TMEM161A: variants seen among roughly 807,000 people sequenced by gnomAD.
The protein encoded by TMEM161A is transmembrane protein 161A, also known as adaptive response to oxidative stress protein 29.
In TMEM161A, 46 loss-of-function variants were observed where a neutral mutation model predicts 57.1. The ratio of observed to expected loss-of-function variants is 0.81; its 90% confidence interval spans 0.64 to 1.03. The LOEUF (loss-of-function observed/expected upper bound fraction) is 1.03, where lower values mean the gene tolerates loss of function less well. TMEM161A is among the 50% of genes least tolerant of loss of function. The pLI is 0.00. For missense variants in TMEM161A, 601 were observed against 621.5 expected (o/e 0.97, Z 0.35); for synonymous variants, 288 against 279.0 (o/e 1.03, Z -0.32).
intron 2 of TMEM161A, among the ~76,000 whole-genome samples, chr19:19,134,453 T>C (rs918329745): frequency 3.3e-5 from 5 of 151,708 alleles, no homozygotes; most frequent in African/African-American, 1.2e-4. Flanking sequence ...AATTTAAAAA[T>C]TGTCTGGGCA....
intron 6 of TMEM161A, among the ~76,000 whole-genome samples, chr19:19,122,143 A>G (rs1445857603): frequency 6.6e-6 from 1 of 152,060 alleles, no homozygotes; most frequent in African/African-American, 2.4e-5. Context: ...AAAATACAAA[A>G]ATTAGCCAGG....
chr19:19,127,665 C>T (rs1209742475), intron 6 of TMEM161A, among the ~76,000 whole-genome samples: 5 of 151,846 alleles, frequency 3.3e-5, no homozygotes, highest in African/African-American at 1.2e-4. Context: ...CCCAGTGGCT[C>T]ACGCCTGTCA....
At position 19,129,768 on chromosome 19, in the gene TMEM161A, C is replaced by T. The variant is rs552145208; in HGVS notation, c.595+388G>A. Among the ~76,000 whole-genome samples the T allele has an allele frequency of 1.7e-4, 26 of 151,826 alleles. 1 individual carries two copies. The highest frequency in any genetic ancestry group is 3.4e-3 in the Middle Eastern group (1 of 294). Reference sequence around the variant, plus strand: ...ACTAAAAATACAAAAATTAGCCAGGCGTGGTGGTGCACACCCATAATCCCA... The same window carrying T: ...ACTAAAAATACAAAAATTAGCCAGGTGTGGTGGTGCACACCCATAATCCCA... On this transcript the variant is annotated intron_variant, in intron 6 of 11. Transcript: ENST00000162044.
chr19:19,127,406 G>A (rs1309327905), intron 6 of TMEM161A, among the ~76,000 whole-genome samples: 6 of 142,026 alleles, frequency 4.2e-5, no homozygotes, highest in South Asian at 2.3e-4. Context: ...TGCAAGCGCC[G>A]CCTCCTGGGT....
At chr19:19,126,654 G>A (rs1301827636) in intron 6 of TMEM161A, among the ~76,000 whole-genome samples, 6 of 152,058 alleles carry the variant, frequency 3.9e-5, no homozygotes, top group Non-Finnish European at 7.4e-5. Flanking sequence ...AGGATCACCT[G>A]AGGTCAGGAG....
rs752584753 is a variant in TMEM161A, at chr19:19,119,881, C to T, written c.*49G>A. 61 of 1,535,878 alleles carry T rather than the reference C, an allele frequency of 4.0e-5. No individual in the cohort carries two copies. Among genetic ancestry groups the T allele is most frequent in the Non-Finnish European group, 5.4e-5 (61 of 1,138,920 alleles). On this transcript the variant is annotated 3_prime_UTR_variant, in exon 12 of 12. Transcript: ENST00000162044. Reference sequence around the variant, plus strand: ...CAAACAGAGGGGGCAGGCTAGTGTCCCGCTGCCCCAGGAACAGACCTCAGG... The same window carrying T: ...CAAACAGAGGGGGCAGGCTAGTGTCTCGCTGCCCCAGGAACAGACCTCAGG...
In TMEM161A at chr19:19,120,995, C is replaced by T. The variant is rs1310792010; in HGVS notation, c.1086G>A (p.Gln362=). 6.2e-7 allele frequency: 1 copy of T among 1,607,024 alleles called. No individual in the cohort carries two copies. The highest frequency in any genetic ancestry group is 8.5e-7 in the Non-Finnish European group (1 of 1,176,218). The stretch of plus-strand genomic sequence containing the variant: ...TAGGTCATCGGGGCGTCCATACCCT[C>T]TGCTGGATTTCACGGGCTTCGATGC... The part of the protein sequence containing the change: ...AGRIEAREIQ[Q]RVVRVYCYVT... Residue 362 remains glutamine, a synonymous_variant, in exon 10 of 12, where the codon CAG becomes CAA. Transcript: ENST00000162044.
rs2059930851 is a variant in TMEM161A at position 19,126,267 on chromosome 19, C to T, written c.595+3889G>A. Among the ~76,000 whole-genome samples the T allele has an allele frequency of 3.3e-5, 5 of 151,898 alleles. 1 individual carries two copies. In the South Asian group the frequency reaches 1.0e-3, roughly 31 times the overall value. On this transcript the variant is annotated intron_variant, in intron 6 of 11. Coordinates refer to ENST00000162044, the MANE Select transcript of TMEM161A (RefSeq NM_017814.3). ...AATAATCAACTTCCATTCATCAAGA[C>T]ACTAGAGGTGACACTTACAACTACA...
chr19:19,135,872 G>A (rs989749601), intron 1 of TMEM161A, among the ~76,000 whole-genome samples: 1 of 151,976 alleles, frequency 6.6e-6, no homozygotes, highest in Non-Finnish European at 1.5e-5. Flanking sequence ...CACTGTGTCC[G>A]GCCTATTTTT....
intron 11 of TMEM161A, 139 bp from the exon 12 acceptor site, chr19:19,120,322 C>T: frequency 2.5e-6 from 2 of 784,830 alleles, no homozygotes; most frequent in African/African-American, 1.7e-5. Flanking sequence ...CCAGTCTCCA[C>T]CCCCTCAGGC....
Position 19,135,546 on chromosome 19 carries a change from A to G in TMEM161A, c.4-659T>C, listed in dbSNP as rs555437749. ...CTACATGTCTGAGTGGGGTGAGCTT[A>G]TTTATTTTTATTTATTTATTTATTT... On this transcript the variant is annotated intron_variant, in intron 1 of 11. Transcript: ENST00000162044. 1.2e-4 allele frequency among the ~76,000 whole-genome samples: 18 copies of G among 152,014 alleles called. No individual in the cohort carries two copies. The East Asian group carries it at 1.9e-3, about 16-fold the overall frequency.
chr19:19,121,458 AC>A lies in TMEM161A; in HGVS notation c.801-38del, dbSNP rs1268958693. ...GGGCAGGAGGGAGTGAGGCCTGGGT[AC>A]CCCCTCTCCTCGAGTCTCTCCCTTA... On this transcript the variant is annotated intron_variant, in intron 8 of 11. Transcript: ENST00000162044. The surrounding 1 kb of genome is among the most constrained non-coding windows in gnomAD (Gnocchi z 5.8). 2 of 1,612,972 alleles carry A rather than the reference AC, an allele frequency of 1.2e-6. No individual in the cohort carries two copies. The highest frequency in any genetic ancestry group is 2.7e-5 in the African/African-American group (2 of 74,800).
At chr19:19,138,397 A>AC (rs776937733) in intron 1 of TMEM161A, 29 bp downstream of exon 1, 604 of 1,598,806 alleles carry the variant, frequency 3.8e-4, no homozygotes, top group Admixed American at 1.5e-3. Context: ...GCCCTGCAGA[A>AC]CCCCCCACTT....
intron 6 of TMEM161A, among the ~76,000 whole-genome samples, chr19:19,122,248 C>T (rs1186359042): frequency 6.6e-6 from 1 of 152,140 alleles, no homozygotes; most frequent in Non-Finnish European, 1.5e-5. Context: ...GAGCTGAGAC[C>T]GCACCATTGC....
At chr19:19,120,730 C>CA in intron 11 of TMEM161A, 35 bp downstream of exon 11, 1 of 1,595,810 alleles carries the variant, frequency 6.3e-7, no homozygotes, top group Non-Finnish European at 8.6e-7. Flanking sequence ...CTTCCAACTC[C>CA]GCCCCTCCTC....
intron 2 of TMEM161A, 75 bp from the exon 3 acceptor site, chr19:19,133,285 G>A: frequency 7.2e-7 from 1 of 1,384,508 alleles, no homozygotes; most frequent in Non-Finnish European, 1.0e-6. Flanking sequence ...CCCAAATCCA[G>A]GGATTCTAGT....
At chr19:19,124,012 C>T (rs1478158283) in intron 6 of TMEM161A, among the ~76,000 whole-genome samples, 1 of 151,746 alleles carries the variant, frequency 6.6e-6, no homozygotes, top group African/African-American at 2.4e-5. Context: ...CGAGATTGCG[C>T]CACTGCACTC....
chr19:19,120,451 C>T (rs1329473303), intron 11 of TMEM161A, among the ~76,000 whole-genome samples: 1 of 151,898 alleles, frequency 6.6e-6, no homozygotes, highest in African/African-American at 2.4e-5. Context: ...AACCCCTCCC[C>T]AGGCTCCACC....
chr19:19,132,297 A>G lies in TMEM161A; in HGVS notation c.443+55T>C. On this transcript the variant is annotated intron_variant, in intron 5 of 11. Coordinates refer to ENST00000162044, the MANE Select transcript of TMEM161A (RefSeq NM_017814.3). This position sits in a 1 kb window ranked among gnomAD's most constrained non-coding sequence, Gnocchi z 4.3. ...CACACCAGTTTAGGGGAGCCAGGGA[A>G]GCTCAGGTCCTGCTCCCACCCGCCC... The G allele has an allele frequency of 1.3e-6, 2 of 1,547,894 alleles. No homozygotes were observed. The highest frequency in any genetic ancestry group is 1.7e-6 in the Non-Finnish European group (2 of 1,146,264).
Sources: allele counts gnomAD v4.1 joint callset (sites outside exome capture counted in the v4.1 genomes callset), GRCh38; gene constraint gnomAD v4.1.1; non-coding constraint Gnocchi (gnomAD v3.1); transcripts MANE v1.5; gene names NCBI Gene and HGNC (gene_info 2026-07-23, HGNC 2026-07-21).